Variants in RELN observed in about 807,000 individuals in gnomAD.
RELN encodes the protein reelin.
RELN carries 108 observed loss-of-function variants against 427.6 expected under a neutral mutation model. The observed-to-expected ratio is 0.25, with a 90% CI of 0.22 to 0.30. The LOEUF (loss-of-function observed/expected upper bound fraction) is 0.30, where lower values mean the gene tolerates loss of function less well. Ranked by LOEUF, RELN falls within the 10% of genes least tolerant of loss-of-function variation. The pLI is 1.00. For missense variants in RELN, 3,715 were observed against 4,302.8 expected (o/e 0.86, Z 3.82); for synonymous variants, 1,524 against 1,513.4 (o/e 1.01, Z -0.16).
At position 103,828,835 on chromosome 7, in the gene RELN, G is replaced by A. The variant is rs938406734; in HGVS notation, c.473+4702C>T. 4.0e-5 allele frequency among the ~76,000 whole-genome samples: 6 copies of A among 151,878 alleles called. No homozygotes were observed. In the South Asian group the frequency reaches 6.2e-4, roughly 16 times the overall value. ...TTTCAAAAGTAGATAGGAAACACACGTGGGCCACCTTGAAAAGTTAGAGAG... is the reference window on the plus strand; with the variant it reads ...TTTCAAAAGTAGATAGGAAACACACATGGGCCACCTTGAAAAGTTAGAGAG... On this transcript the variant is annotated intron_variant, in intron 3 of 64. Transcript: ENST00000428762.
chr7:103,911,045 C>G (rs1197543184), intron 2 of RELN, among the ~76,000 whole-genome samples: 1 of 142,072 alleles, frequency 7.0e-6, no homozygotes, highest in Non-Finnish European at 1.5e-5. Flanking sequence ...GCAAAAGAAA[C>G]TACCATCAGA....
chr7:103,646,614 C>T (rs1832803069), intron 16 of RELN, among the ~76,000 whole-genome samples: 2 of 151,724 alleles, frequency 1.3e-5, no homozygotes, highest in Non-Finnish European at 3.0e-5. Flanking sequence ...AGTAGTGACA[C>T]TGAATCAGTA....
chr7:103,857,945 G>A (rs1394794111), intron 2 of RELN, among the ~76,000 whole-genome samples: 2 of 151,920 alleles, frequency 1.3e-5, no homozygotes, highest in African/African-American at 2.4e-5. Flanking sequence ...TAACTTCACT[G>A]ATATTTTTAT....
chr7:103,553,118 G>C (rs983736450), intron 40 of RELN, among the ~76,000 whole-genome samples: 3 of 152,002 alleles, frequency 2.0e-5, no homozygotes, highest in Admixed American at 6.6e-5. Flanking sequence ...TAGTTACATT[G>C]ACCTAGTCCC....
At chr7:103,903,000 C>T (rs1795115484) in intron 2 of RELN, among the ~76,000 whole-genome samples, 1 of 151,970 alleles carries the variant, frequency 6.6e-6, no homozygotes, top group Non-Finnish European at 1.5e-5. Context: ...CAACTTTATC[C>T]AAGAGTATTT....
chr7:103,756,358 G>A (rs1338239196), intron 4 of RELN, among the ~76,000 whole-genome samples: 2 of 152,138 alleles, frequency 1.3e-5, no homozygotes, highest in Non-Finnish European at 2.9e-5. Flanking sequence ...TAGAAAGCCA[G>A]ATTTAAAATT....
chr7:103,911,552 C>A (rs1795366232), intron 2 of RELN, among the ~76,000 whole-genome samples: 1 of 150,028 alleles, frequency 6.7e-6, no homozygotes, highest in South Asian at 2.2e-4. Flanking sequence ...GACACATGCA[C>A]ACGTATGTTT....
At chr7:103,796,875 C>CAAAAAAAAAAAAAAAAAAAAA (rs1310087423) in intron 3 of RELN, among the ~76,000 whole-genome samples, 1 of 67,214 alleles carries the variant, frequency 1.5e-5, no homozygotes, top group African/African-American at 5.3e-5. Flanking sequence ...CTCCATCTCA[C>CAAAAAAAAAAAAAAAAAAAAA]AAAAAAAAAA....
At chr7:103,935,365 T>C (rs1469139742) in intron 1 of RELN, among the ~76,000 whole-genome samples, 1 of 152,138 alleles carries the variant, frequency 6.6e-6, no homozygotes, top group African/African-American at 2.4e-5. Context: ...TTAGTTCTCA[T>C]CTTACTTGAC....
At chr7:103,489,306 T>C (rs1828567682) in intron 60 of RELN, among the ~76,000 whole-genome samples, 1 of 151,840 alleles carries the variant, frequency 6.6e-6, no homozygotes, top group South Asian at 2.1e-4. Context: ...CAGCTGCTGC[T>C]GGAAGAGGCT....
chr7:103,622,434 C>T (rs189972385), intron 20 of RELN, among the ~76,000 whole-genome samples: 477 of 152,300 alleles, frequency 3.1e-3, no homozygotes, highest in African/African-American at 0.011. Context: ...CTTCTATTAT[C>T]CTCTACTCCT....
intron 3 of RELN, among the ~76,000 whole-genome samples, chr7:103,809,601 T>C (rs35525102): frequency 0.17 from 26,080 of 152,028 alleles, 2,919 homozygotes; most frequent in South Asian, 0.38. Context: ...AATTACTAAT[T>C]CTAGGAAAAT....
chr7:103,554,342 C>G (rs1830479348), intron 38 of RELN, among the ~76,000 whole-genome samples: 1 of 136,480 alleles, frequency 7.3e-6, no homozygotes, highest in South Asian at 2.1e-4. Context: ...TTTGGGGGCC[C>G]AAGATGGGCA....
chr7:103,507,177 C>T (rs988833541), intron 51 of RELN, among the ~76,000 whole-genome samples: 31 of 152,108 alleles, frequency 2.0e-4, no homozygotes, highest in Non-Finnish European at 8.8e-5. Context: ...CTGGACCAAG[C>T]GGACCTAATA....
At chr7:103,665,923 GT>G (rs1420300849) in intron 11 of RELN, among the ~76,000 whole-genome samples, 1 of 150,984 alleles carries the variant, frequency 6.6e-6, no homozygotes, top group African/African-American at 2.4e-5. Context: ...TGCATTATGT[GT>G]TTTTTTCTCA....
At chr7:103,557,801 A>G (rs1830558029) in intron 37 of RELN, among the ~76,000 whole-genome samples, 164 bp downstream of exon 37, 1 of 152,218 alleles carries the variant, frequency 6.6e-6, no homozygotes, top group African/African-American at 2.4e-5. Flanking sequence ...ATATTAAGAT[A>G]AACTTACATT....
intron 6 of RELN, among the ~76,000 whole-genome samples, chr7:103,739,382 T>TG (rs1039353195): frequency 1.3e-5 from 2 of 152,268 alleles, no homozygotes; most frequent in African/African-American, 4.8e-5. Flanking sequence ...CCCATTTTGT[T>TG]GGGGGAGGTT....
intron 41 of RELN, among the ~76,000 whole-genome samples, chr7:103,550,613 C>CTTT (rs556298996): frequency 1.6e-5 from 2 of 122,670 alleles, no homozygotes; most frequent in Admixed American, 1.7e-4. Context: ...AACGTGCTAA[C>CTTT]TTTTTTTTTT....
chr7:103,917,608 G>A (rs1482999400), intron 1 of RELN, among the ~76,000 whole-genome samples: 1 of 150,160 alleles, frequency 6.7e-6, no homozygotes, highest in Non-Finnish European at 1.5e-5. Flanking sequence ...TCAGCTGAAA[G>A]AAGAACAGTA....
Sources: gnomAD v4.1 joint callset for allele counts (sites outside exome capture counted in the v4.1 genomes callset) on GRCh38, gnomAD v4.1.1 for gene constraint, MANE v1.5 for transcripts, NCBI Gene and HGNC (gene_info 2026-07-23, HGNC 2026-07-21) for gene names.